Variants in ALK observed in about 807,000 individuals in gnomAD.
ALK encodes the protein ALK tyrosine kinase receptor.
In ALK, 74 loss-of-function variants were observed where a neutral mutation model predicts 163.1. The observed-to-expected ratio is 0.45, with a 90% CI of 0.38 to 0.55. The LOEUF (loss-of-function observed/expected upper bound fraction) is 0.55. Among genes scored for constraint, ALK ranks in the 20% least tolerant of loss-of-function variants. ALK has a pLI of 0.00. For synonymous variants in ALK, 960 were observed against 843.2 expected, an observed-to-expected ratio of 1.14 and a Z score of -2.40; for missense variants, 2,063 against 2,105.3, an observed-to-expected ratio of 0.98 and a Z score of 0.39.
At chr2:29,230,969 T>C (rs7425108) in intron 15 of ALK, among the ~76,000 whole-genome samples, 95,052 of 152,052 alleles carry the variant, frequency 0.63, 31,083 homozygotes, top group Middle Eastern at 0.78. Flanking sequence ...CCATACCCGT[T>C]CTGCAGCCTT....
At chr2:29,746,871 CATA>C (rs1680218385) in intron 1 of ALK, among the ~76,000 whole-genome samples, 1 of 152,192 alleles carries the variant, frequency 6.6e-6, no homozygotes, top group Non-Finnish European at 1.5e-5. Flanking sequence ...CCATTCTACT[CATA>C]ATGTTTGTGC....
At chr2:29,559,364 G>A (rs774189879) in intron 3 of ALK, among the ~76,000 whole-genome samples, 1 of 152,212 alleles carries the variant, frequency 6.6e-6, no homozygotes, top group Admixed American at 6.5e-5. Flanking sequence ...GATTAAATAG[G>A]TAGGAGAAGC....
rs533997940 is a variant in ALK at position 29,448,299 on chromosome 2, G to A, written c.1155-64440C>T. On this transcript the variant is annotated intron_variant, in intron 4 of 28. Transcript: ENST00000389048. ...TCTGCAGCCCACAGACTTAATATAC[G>A]CAGTAATTTAGGAGGGAGGCTGGCT... Among the ~76,000 whole-genome samples, 111 of 152,282 alleles carry A rather than the reference G, an allele frequency of 7.3e-4. 1 individual carries two copies. In the South Asian group the frequency reaches 0.021, roughly 28 times the overall value.
chr2:29,889,524 G>A (rs1219779399), intron 1 of ALK, among the ~76,000 whole-genome samples: 1 of 151,800 alleles, frequency 6.6e-6, no homozygotes, highest in Non-Finnish European at 1.5e-5. Context: ...TGGATAGATA[G>A]ATAGATAGAT....
intron 1 of ALK, among the ~76,000 whole-genome samples, chr2:29,787,332 A>C (rs1238792252): frequency 6.6e-6 from 1 of 152,220 alleles, no homozygotes; most frequent in African/African-American, 2.4e-5. Context: ...AGATGAATTA[A>C]TTAGGGCTTT....
chr2:29,223,342 C>T lies in ALK; in HGVS notation c.3359G>A (p.Arg1120Gln), dbSNP rs374188635. 3.7e-6 allele frequency: 6 copies of T among 1,614,056 alleles called. No individual in the cohort carries two copies. Among genetic ancestry groups the T allele is most frequent in the East Asian group, 2.2e-5 (1 of 44,886 alleles). The change falls in exon 20 of 29, where the codon CGG (arginine) becomes CAG (glutamine). Residue 1120 changes from arginine (R) to glutamine (Q), a missense_variant and splice_region_variant. Arg to Gln is a conservative substitution (Grantham distance 43). Transcript: ENST00000389048. ...CCCAGGACGGCAGCAGGGCGCTCAC[C>T]GAATGAGGGTGATGTTTTTCCGCGG... ...EVPRKNITLI[R>Q]GLGHGAFGEV... is the part of the protein sequence containing the mutation.
At chr2:29,229,654 T>C (rs142077569) in intron 15 of ALK, among the ~76,000 whole-genome samples, 536 of 152,166 alleles carry the variant, frequency 3.5e-3, no homozygotes, top group African/African-American at 0.012. Flanking sequence ...TTGGGGATAA[T>C]AAGACCCACC....
intron 3 of ALK, among the ~76,000 whole-genome samples, chr2:29,570,087 G>C (rs1185790844): frequency 6.6e-6 from 1 of 152,132 alleles, no homozygotes; most frequent in African/African-American, 2.4e-5. Context: ...AGAGCCTCTG[G>C]GTAGAGTTTA....
At chr2:29,561,761 C>A (rs776934176) in intron 3 of ALK, among the ~76,000 whole-genome samples, 7 of 152,086 alleles carry the variant, frequency 4.6e-5, no homozygotes, top group Non-Finnish European at 8.8e-5. Flanking sequence ...GTTGTTATCA[C>A]ATTCTCTTTT....
At chr2:29,459,865 T>A (rs1671044732) in intron 4 of ALK, among the ~76,000 whole-genome samples, 1 of 152,202 alleles carries the variant, frequency 6.6e-6, no homozygotes, top group Non-Finnish European at 1.5e-5. Context: ...TAGATCACCA[T>A]AAACTGAATT....
chr2:29,274,992 G>A (rs1665494973), intron 11 of ALK, 107 bp downstream of exon 11: 10 of 1,450,310 alleles, frequency 6.9e-6, no homozygotes, highest in Non-Finnish European at 9.7e-6. Context: ...TCTAAAGACT[G>A]TTTCATTCTT....
At chr2:29,382,869 T>C (rs1437767439) in intron 5 of ALK, among the ~76,000 whole-genome samples, 1 of 152,142 alleles carries the variant, frequency 6.6e-6, no homozygotes, top group African/African-American at 2.4e-5. Flanking sequence ...AAATACACTA[T>C]AAAATTTCCT....
chr2:29,857,688 A>G (rs868552472), intron 1 of ALK, among the ~76,000 whole-genome samples: 3 of 152,244 alleles, frequency 2.0e-5, no homozygotes, highest in Non-Finnish European at 2.9e-5. Context: ...CTAGCAGTAC[A>G]TTCTGGAGAG....
chr2:29,854,113 C>A (rs1442722191), intron 1 of ALK, among the ~76,000 whole-genome samples: 2 of 152,098 alleles, frequency 1.3e-5, no homozygotes, highest in Non-Finnish European at 2.9e-5. Flanking sequence ...CCACCCTGCA[C>A]AGGATGGGTC....
chr2:29,382,400 G>A (rs1668922329), intron 5 of ALK, among the ~76,000 whole-genome samples: 1 of 152,160 alleles, frequency 6.6e-6, no homozygotes, highest in Non-Finnish European at 1.5e-5. Flanking sequence ...AACATCTATA[G>A]CTTGAGATCC....
intron 3 of ALK, among the ~76,000 whole-genome samples, chr2:29,685,403 C>G (rs935656617): frequency 6.6e-6 from 1 of 152,178 alleles, no homozygotes; most frequent in African/African-American, 2.4e-5. Context: ...GCCAAACTCC[C>G]AGATGCATCT....
chr2:29,525,407 C>T (rs570991116), intron 4 of ALK, among the ~76,000 whole-genome samples: 1 of 152,298 alleles, frequency 6.6e-6, no homozygotes, highest in African/African-American at 2.4e-5. Context: ...TGATTCTTAA[C>T]TTTTGGTGCA....
chr2:29,303,674 C>T (rs1666429189), intron 8 of ALK, among the ~76,000 whole-genome samples: 1 of 152,130 alleles, frequency 6.6e-6, no homozygotes, highest in African/African-American at 2.4e-5. Flanking sequence ...AAATGTGGTA[C>T]ATATATACCA....
At chr2:29,672,522 C>T (rs1677734242) in intron 3 of ALK, among the ~76,000 whole-genome samples, 1 of 148,272 alleles carries the variant, frequency 6.7e-6, no homozygotes, top group East Asian at 2.0e-4. Flanking sequence ...TTTTTTATGG[C>T]TGCATAGTAT....
Sources: gnomAD v4.1 joint callset for allele counts (sites outside exome capture counted in the v4.1 genomes callset) on GRCh38, gnomAD v4.1.1 for gene constraint, MANE v1.5 for transcripts, NCBI Gene and HGNC (gene_info 2026-07-23, HGNC 2026-07-21) for gene names.